ZNF800: variants seen among roughly 807,000 people sequenced by gnomAD.
ZNF800 encodes zinc finger protein 800.
In ZNF800, 13 loss-of-function variants were observed where a neutral mutation model predicts 59.5. The observed-to-expected ratio is 0.22, with a 90% confidence interval of 0.14 to 0.35. The LOEUF is 0.35. Ranked by LOEUF, ZNF800 falls within the 10% of genes least tolerant of loss-of-function variation. The pLI is 1.00. For missense variants in ZNF800, 621 were observed against 783.7 expected, an observed-to-expected ratio of 0.79 and a Z score of 2.48; for synonymous variants, 266 against 265.7, an observed-to-expected ratio of 1.00 and a Z score of -0.01.
chr7:127,355,370 C>T (rs976074427), intron 1 of ZNF800, among the ~76,000 whole-genome samples: 2 of 151,992 alleles, frequency 1.3e-5, no homozygotes, highest in African/African-American at 4.8e-5. Context: ...CTACATGCTG[C>T]AGGGTAAAAC....
At chr7:127,343,765 A>G (rs1427016018), downstream of ZNF800, among the ~76,000 whole-genome samples, 1 of 152,096 alleles carries the variant, frequency 6.6e-6, no homozygotes, top group Non-Finnish European at 1.5e-5. Flanking sequence ...GTTACAAGAA[A>G]AAAAGGGAAA....
intron 1 of ZNF800, among the ~76,000 whole-genome samples, chr7:127,358,335 G>A (rs1478383953): frequency 6.7e-6 from 1 of 150,274 alleles, no homozygotes; most frequent in Non-Finnish European, 1.5e-5. Context: ...TATTTCACCT[G>A]TATCCTTTTC....
chr7:127,366,101 C>T (rs534095080), downstream of ZNF800, among the ~76,000 whole-genome samples: 2 of 152,206 alleles, frequency 1.3e-5, no homozygotes, highest in African/African-American at 4.8e-5. Flanking sequence ...GCCCACACTA[C>T]AGAGCTAGTA....
At chr7:127,375,188 G>A (rs1446160910) in intron 4 of ZNF800, among the ~76,000 whole-genome samples, 154 bp from the exon 5 acceptor site, 2 of 151,900 alleles carry the variant, frequency 1.3e-5, no homozygotes, top group African/African-American at 4.8e-5. Context: ...ATTCTACAAA[G>A]ATAAAGACTA....
At chr7:127,353,671 A>G (rs1800213525) in intron 1 of ZNF800, among the ~76,000 whole-genome samples, 1 of 152,222 alleles carries the variant, frequency 6.6e-6, no homozygotes, top group African/African-American at 2.4e-5. Flanking sequence ...AAGTTCAAAT[A>G]TAAGTACTCA....
downstream of ZNF800, among the ~76,000 whole-genome samples, chr7:127,369,674 T>A (rs1448376765): frequency 1.3e-5 from 2 of 152,092 alleles, no homozygotes; most frequent in Non-Finnish European, 2.9e-5. Flanking sequence ...TTTTCCTACA[T>A]GACCCAGATG....
intron 2 of ZNF800, among the ~76,000 whole-genome samples, chr7:127,387,097 TAA>T (rs926242688): frequency 6.6e-6 from 1 of 152,220 alleles, no homozygotes; most frequent in African/African-American, 2.4e-5. Context: ...CATTTTTACA[TAA>T]AGAGGTTTAT....
Position 127,392,215 on chromosome 7 carries a change from CAA to C in ZNF800, c.-216_-215del, listed in dbSNP as rs1366299978. 8 of 394,496 alleles carry C rather than the reference CAA, an allele frequency of 2.0e-5. No individual in the cohort carries two copies. The highest frequency in any genetic ancestry group is 8.3e-5 in the African/African-American group (4 of 48,394). 24.4% of individuals were successfully genotyped at this position (394,496 alleles called of 1,614,324 possible). ...CCCGGACTCGGGCCCGACGCGCTCC[CAA>C]AGAGTCCCCGCCGGCGCTGACGCGG... On this transcript the variant is annotated 5_prime_UTR_variant, in exon 1 of 6. Transcript: ENST00000265827.
downstream of ZNF800, among the ~76,000 whole-genome samples, chr7:127,343,419 C>T (rs569053053): frequency 7.9e-5 from 12 of 151,576 alleles, no homozygotes; most frequent in South Asian, 2.3e-3. Flanking sequence ...ATATAGACAA[C>T]AAATTTTAAA....
intron 1 of ZNF800, chr7:127,359,913 T>C (rs1800362578): frequency 1.4e-5 from 1 of 70,792 alleles, no homozygotes; most frequent in Admixed American, 1.6e-4. Flanking sequence ...TACACCACAC[T>C]TAAATGAAAA....
chr7:127,392,368 C>G lies in ZNF800; in HGVS notation c.-367G>C. ...GGAGGCAGTTGACAGGAGGAACCGC[C>G]CGGCAGCAGCTGCCGCCGCCACCAC... is the stretch of plus-strand genomic sequence containing the variant. On this transcript the variant is annotated 5_prime_UTR_variant, in exon 1 of 6. Coordinates refer to ENST00000265827, the MANE Select transcript of ZNF800 (RefSeq NM_176814.5). The G allele has an allele frequency of 2.6e-6, 1 of 382,170 alleles. No homozygotes were observed. Among genetic ancestry groups the G allele is most frequent in the Middle Eastern group, 6.7e-4 (1 of 1,498 alleles). The allele number at this position is 382,170 out of a possible 1,614,324, so 23.7% of individuals were successfully genotyped here. A position where few individuals can be genotyped will look rare whatever the true frequency, so the allele number is the denominator to read the frequency against.
chr7:127,343,344 A>G (rs933491059), downstream of ZNF800, among the ~76,000 whole-genome samples: 2 of 151,780 alleles, frequency 1.3e-5, no homozygotes, highest in African/African-American at 2.4e-5. Context: ...GTAACTAAAA[A>G]GACCAGAAAT....
chr7:127,369,507 A>G (rs183855651), downstream of ZNF800, among the ~76,000 whole-genome samples: 1 of 152,290 alleles, frequency 6.6e-6, no homozygotes, highest in East Asian at 1.9e-4. Context: ...CCAGAAAGGA[A>G]TAAGAAGAAC....
downstream of ZNF800, among the ~76,000 whole-genome samples, chr7:127,366,231 G>C (rs1415040232): frequency 6.6e-6 from 1 of 152,066 alleles, no homozygotes; most frequent in Non-Finnish European, 1.5e-5. Flanking sequence ...ATGGATGCTC[G>C]ATAGTGTCTG....
At chr7:127,387,151 T>C (rs1218826024) in intron 2 of ZNF800, among the ~76,000 whole-genome samples, 1 of 152,172 alleles carries the variant, frequency 6.6e-6, no homozygotes, top group African/African-American at 2.4e-5. Context: ...GTAGTATAGA[T>C]ACATAATAAA....
downstream of ZNF800, among the ~76,000 whole-genome samples, chr7:127,344,536 C>A (rs368889756): frequency 6.6e-6 from 1 of 151,404 alleles, no homozygotes; most frequent in African/African-American, 2.4e-5. Context: ...AGCTTATCTG[C>A]GAGAATACAT....
At chr7:127,383,522 A>C (rs144683821) in intron 3 of ZNF800, among the ~76,000 whole-genome samples, 16 of 152,258 alleles carry the variant, frequency 1.1e-4, no homozygotes, top group African/African-American at 3.9e-4. Context: ...TGTGCTTAGG[A>C]GTAGAGTGGA....
intron 4 of ZNF800, among the ~76,000 whole-genome samples, chr7:127,376,282 G>C (rs530825438): frequency 2.0e-5 from 3 of 151,956 alleles, no homozygotes; most frequent in South Asian, 2.1e-4. Flanking sequence ...ATCCCAAAAA[G>C]GTTAAGTTGA....
chr7:127,364,213 A>G (rs1800455298), intron 1 of ZNF800: 1 of 152,130 alleles, frequency 6.6e-6, no homozygotes. Flanking sequence ...ATGTAAAGAG[A>G]GAAGCCACTA....
Sources: gnomAD v4.1 joint callset for allele counts (sites outside exome capture counted in the v4.1 genomes callset) on GRCh38, gnomAD v4.1.1 for gene constraint, MANE v1.5 for transcripts, NCBI Gene and HGNC (gene_info 2026-07-23, HGNC 2026-07-21) for gene names.